The following WIPF1 variants were observed in gnomAD, a reference collection of about 807,000 sequenced individuals.
The protein encoded by WIPF1 is WAS/WASL-interacting protein family member 1.
A neutral mutation model predicts 35.4 loss-of-function variants in WIPF1; 13 were observed. The observed-to-expected ratio is 0.37, with a 90% CI of 0.24 to 0.58. The LOEUF is 0.58. WIPF1 is among the 20% of genes least tolerant of loss of function. The pLI, the probability that WIPF1 is intolerant of heterozygous loss-of-function variation, is 0.74. For synonymous variants in WIPF1, 267 were observed against 266.3 expected (o/e 1.00, Z -0.02); for missense variants, 591 against 667.0 (o/e 0.89, Z 1.25).
rs1684870025 is a variant in WIPF1 at position 174,571,983 on chromosome 2, C to T, written c.822G>A (p.Arg274=). Residue 274 remains arginine (R), a synonymous_variant, in exon 5 of 8, where the codon AGG becomes AGA. Transcript: ENST00000679041. The surrounding 1 kb of genome is among the most constrained non-coding windows in gnomAD (Gnocchi z 4.6). ...PPPPPPPVGN[R]PSIHREAVPP... is the part of the protein sequence containing the mutation. ...GAACCGCTTCCCTGTGGATGGAGGG[C>T]CTGTTGCCCACTGGAGGAGGTGGTG... 1 of 1,555,532 alleles carries T rather than the reference C, an allele frequency of 6.4e-7. No homozygotes were observed. Among genetic ancestry groups the T allele is most frequent in the Non-Finnish European group, 8.7e-7 (1 of 1,153,410 alleles).
intron 2 of WIPF1, among the ~76,000 whole-genome samples, chr2:174,584,356 T>C (rs1229746093): frequency 6.6e-6 from 1 of 152,152 alleles, no homozygotes; most frequent in Non-Finnish European, 1.5e-5. Flanking sequence ...TTCTTCTCAC[T>C]AGGTTTCAAC....
At chr2:174,680,286 G>A (rs577242975) in intron 1 of WIPF1, among the ~76,000 whole-genome samples, 12 of 152,162 alleles carry the variant, frequency 7.9e-5, no homozygotes, top group Admixed American at 3.3e-4. Context: ...TGAGTATCTG[G>A]CTTGATTCCA....
intron 1 of WIPF1, among the ~76,000 whole-genome samples, chr2:174,595,109 A>AATATATATATATATATATATAT (rs1158052520): frequency 3.5e-5 from 2 of 57,738 alleles, no homozygotes; most frequent in Non-Finnish European, 5.6e-5. Flanking sequence ...AAAAAAAAAA[A>AATATATATATATATATATATAT]ATATATATAT....
chr2:174,620,269 G>GT (rs1259149943), intron 1 of WIPF1, among the ~76,000 whole-genome samples: 1 of 152,144 alleles, frequency 6.6e-6, no homozygotes, highest in Non-Finnish European at 1.5e-5. Flanking sequence ...AATGACCTGG[G>GT]TAATATACTT....
intron 1 of WIPF1, among the ~76,000 whole-genome samples, chr2:174,639,867 G>A (rs546928599): frequency 6.6e-6 from 1 of 152,190 alleles, no homozygotes; most frequent in African/African-American, 2.4e-5. Flanking sequence ...TTTAATCTAT[G>A]TTGAGTTGAT....
rs1042415834 is a variant in WIPF1 at position 174,571,080 on chromosome 2, T to C, written c.1129+596A>G. 6.3e-6 allele frequency: 1 copy of C among 158,224 alleles called. No homozygotes were observed. Among genetic ancestry groups the C allele is most frequent in the Non-Finnish European group, 1.4e-5 (1 of 71,332 alleles). The allele number at this position is 158,224 out of a possible 1,614,324, so 9.8% of individuals were successfully genotyped here. On this transcript the variant is annotated intron_variant, in intron 5 of 7. Coordinates refer to ENST00000679041, the MANE Select transcript of WIPF1 (RefSeq NM_001375834.1). This position sits in a 1 kb window ranked among gnomAD's most constrained non-coding sequence, Gnocchi z 4.6. ...ATGTGACAGCAGGCAAATTTTGAGTTTATGCCTGAGTATTTTTGTAAAGAT... is the reference window on the plus strand; with the variant it reads ...ATGTGACAGCAGGCAAATTTTGAGTCTATGCCTGAGTATTTTTGTAAAGAT...
chr2:174,607,262 G>A (rs1477863363), intron 1 of WIPF1, among the ~76,000 whole-genome samples: 3 of 152,026 alleles, frequency 2.0e-5, no homozygotes, highest in Non-Finnish European at 4.4e-5. Flanking sequence ...AATTAGCTGG[G>A]CGTGGTGGCG....
intron 1 of WIPF1, among the ~76,000 whole-genome samples, chr2:174,635,734 T>A (rs28605081): frequency 1.3e-4 from 20 of 151,884 alleles, no homozygotes; most frequent in East Asian, 5.8e-4. Context: ...TGATTATTTT[T>A]AAAAAAATGC....
chr2:174,600,361 T>A (rs906464997), upstream of WIPF1, among the ~76,000 whole-genome samples: 2 of 152,186 alleles, frequency 1.3e-5, no homozygotes, highest in African/African-American at 4.8e-5. Context: ...CTCCCCTGCT[T>A]AAAACCCTCC....
At chr2:174,662,920 A>C (rs540863712) in intron 1 of WIPF1, among the ~76,000 whole-genome samples, 1 of 152,346 alleles carries the variant, frequency 6.6e-6, no homozygotes, top group South Asian at 2.1e-4. Flanking sequence ...ACAGATTCCT[A>C]ATTACTCAGA....
At chr2:174,626,177 T>C (rs758706287) in intron 1 of WIPF1, among the ~76,000 whole-genome samples, 1 of 152,236 alleles carries the variant, frequency 6.6e-6, no homozygotes, top group Non-Finnish European at 1.5e-5. Flanking sequence ...TTAAAAAAAC[T>C]TCTTTTTCTT....
At chr2:174,664,071 C>A (rs1358413700) in intron 1 of WIPF1, among the ~76,000 whole-genome samples, 1 of 152,190 alleles carries the variant, frequency 6.6e-6, no homozygotes, top group Non-Finnish European at 1.5e-5. Flanking sequence ...CTCCTCCCTG[C>A]AAATCCCTGC....
intron 4 of WIPF1, chr2:174,574,991 T>C (rs766869285): frequency 1.6e-5 from 13 of 788,746 alleles, no homozygotes; most frequent in Non-Finnish European, 2.7e-5. Context: ...CCAAAGACAC[T>C]GGGTGAAAAT....
At chr2:174,577,297 GC>G (rs1388738454) in intron 3 of WIPF1, among the ~76,000 whole-genome samples, 1 of 152,020 alleles carries the variant, frequency 6.6e-6, no homozygotes, top group African/African-American at 2.4e-5. Context: ...ACAGTTTAAA[GC>G]CTCCTCTTCT....
At chr2:174,682,463 C>A (rs935671881) in intron 1 of WIPF1, among the ~76,000 whole-genome samples, 1 of 152,134 alleles carries the variant, frequency 6.6e-6, no homozygotes, top group African/African-American at 2.4e-5. Flanking sequence ...GGCCCCGGGT[C>A]CGCGGAGTCC....
rs569189441 is a variant in WIPF1, at chr2:174,597,172, C to A, written c.-39+429G>T. On this transcript the variant is annotated intron_variant, in intron 1 of 7. Coordinates refer to ENST00000679041, the MANE Select transcript of WIPF1 (RefSeq NM_001375834.1). ...GCAACAGAACTGCAACAGCTTAGTT[C>A]CATGGTATTTTCGTTTGAAGCTTCC... is the stretch of plus-strand genomic sequence containing the variant. Among the ~76,000 whole-genome samples, 8 of 152,298 alleles carry A rather than the reference C, an allele frequency of 5.3e-5. No individual in the cohort carries two copies. The South Asian group carries it at 1.7e-3, about 32-fold the overall frequency.
intron 1 of WIPF1, among the ~76,000 whole-genome samples, chr2:174,612,513 G>A (rs1686380362): frequency 2.0e-5 from 3 of 151,528 alleles, no homozygotes; most frequent in South Asian, 2.1e-4. Flanking sequence ...TGAATGTTTT[G>A]TAATCATTTT....
chr2:174,599,784 A>G (rs1183968449), upstream of WIPF1, among the ~76,000 whole-genome samples: 4 of 86,698 alleles, frequency 4.6e-5, no homozygotes, highest in Non-Finnish European at 7.3e-5. Context: ...CCAAACACAC[A>G]CACACACACT....
intron 4 of WIPF1, 57 bp downstream of exon 4, chr2:174,575,147 A>T: frequency 6.4e-7 from 1 of 1,556,742 alleles, no homozygotes; most frequent in Non-Finnish European, 8.7e-7. Flanking sequence ...ACCAGCCTCC[A>T]AACTGCCAAA....
Sources: gnomAD v4.1 joint callset for allele counts (sites outside exome capture counted in the v4.1 genomes callset) on GRCh38, gnomAD v4.1.1 for gene constraint, Gnocchi (gnomAD v3.1) non-coding constraint, MANE v1.5 for transcripts, NCBI Gene and HGNC (gene_info 2026-07-23, HGNC 2026-07-21) for gene names.